Variants in CDK8 observed in about 807,000 individuals in gnomAD.
CDK8 encodes the protein cyclin dependent kinase 8, also known as cyclin-dependent kinase 8.
A neutral mutation model predicts 71.5 loss-of-function variants in CDK8; 29 were observed. That is an observed-to-expected ratio of 0.41 (90% CI 0.30 to 0.55). CDK8 has a LOEUF of 0.55. CDK8 is among the 20% of genes least tolerant of loss of function. CDK8 has a pLI of 0.37. For missense variants in CDK8, 288 were observed against 572.6 expected (o/e 0.50, Z 5.07); for synonymous variants, 161 against 192.1 (o/e 0.84, Z 1.34).
chr13:26,360,045 A>T (rs1253859418), intron 4 of CDK8, among the ~76,000 whole-genome samples: 1 of 152,210 alleles, frequency 6.6e-6, no homozygotes, highest in Non-Finnish European at 1.5e-5. Context: ...TGATTTCAGT[A>T]GAACTTCAAA....
At chr13:26,353,131 C>T (rs1182196676) in intron 3 of CDK8, among the ~76,000 whole-genome samples, 2 of 152,186 alleles carry the variant, frequency 1.3e-5, no homozygotes, top group African/African-American at 4.8e-5. Context: ...AGTAATTTTT[C>T]TATGTATAAA....
At chr13:26,390,646 G>A (rs1399279447) in intron 6 of CDK8, among the ~76,000 whole-genome samples, 1 of 152,164 alleles carries the variant, frequency 6.6e-6, no homozygotes, top group Non-Finnish European at 1.5e-5. Context: ...TCAGGTGTTT[G>A]TCCTCAAATA....
chr13:26,271,195 A>G (rs1348471178), intron 1 of CDK8, among the ~76,000 whole-genome samples: 1 of 152,170 alleles, frequency 6.6e-6, no homozygotes, highest in Non-Finnish European at 1.5e-5. Context: ...TTCTTTGTAT[A>G]TTCTGGATAC....
chr13:26,394,722 T>C (rs1875904222), intron 7 of CDK8, among the ~76,000 whole-genome samples: 1 of 152,026 alleles, frequency 6.6e-6, no homozygotes, highest in African/African-American at 2.4e-5. Context: ...GAGGTTAGGG[T>C]GGTTTATAAG....
intron 1 of CDK8, among the ~76,000 whole-genome samples, chr13:26,297,483 A>C (rs1293444767): frequency 6.6e-6 from 1 of 152,114 alleles, no homozygotes; most frequent in Non-Finnish European, 1.5e-5. Context: ...TACTTCTAGA[A>C]GGTTGCTGAG....
chr13:26,369,070 A>G (rs1874526882), intron 4 of CDK8, among the ~76,000 whole-genome samples: 2 of 152,054 alleles, frequency 1.3e-5, no homozygotes, highest in South Asian at 2.1e-4. Context: ...TGATTTTATT[A>G]GCCTCAGAAG....
chr13:26,347,507 T>TG (rs1003464933), intron 2 of CDK8, among the ~76,000 whole-genome samples: 1 of 152,226 alleles, frequency 6.6e-6, no homozygotes, highest in African/African-American at 2.4e-5. Context: ...ACTTGCAGAA[T>TG]GGGAGAAAGT....
chr13:26,315,023 T>C (rs1325336796), intron 1 of CDK8, among the ~76,000 whole-genome samples: 1 of 152,188 alleles, frequency 6.6e-6, no homozygotes, highest in Non-Finnish European at 1.5e-5. Context: ...ATCCCTGTTT[T>C]TATGAGCTAG....
intron 2 of CDK8, among the ~76,000 whole-genome samples, chr13:26,338,162 A>G (rs981958537): frequency 3.3e-5 from 5 of 152,118 alleles, no homozygotes; most frequent in Non-Finnish European, 7.4e-5. Context: ...GGGTTAATGC[A>G]TTAATAGTTA....
chr13:26,282,044 A>G (rs962808054), intron 1 of CDK8, among the ~76,000 whole-genome samples: 1 of 151,948 alleles, frequency 6.6e-6, no homozygotes, highest in Admixed American at 6.5e-5. Context: ...AAAAAAGAAC[A>G]AAGCCTCCAC....
chr13:26,262,005 C>T (rs779113430), intron 1 of CDK8, among the ~76,000 whole-genome samples: 12 of 152,232 alleles, frequency 7.9e-5, no homozygotes, highest in Non-Finnish European at 1.2e-4. Flanking sequence ...CAGCTGCTCT[C>T]CTCCATCAAC....
At chr13:26,305,425 T>G (rs1565965130) in intron 1 of CDK8, among the ~76,000 whole-genome samples, 1 of 152,198 alleles carries the variant, frequency 6.6e-6, no homozygotes, top group Non-Finnish European at 1.5e-5. Context: ...AAGAAGTACT[T>G]AAGTGTGGTT....
At chr13:26,280,443 C>T (rs1252859002) in intron 1 of CDK8, among the ~76,000 whole-genome samples, 1 of 152,180 alleles carries the variant, frequency 6.6e-6, no homozygotes, top group African/African-American at 2.4e-5. Context: ...GGCTGCATAA[C>T]ACTAAGTAGC....
chr13:26,331,789 T>C (rs1037443795), intron 1 of CDK8, among the ~76,000 whole-genome samples: 7 of 152,222 alleles, frequency 4.6e-5, no homozygotes, highest in Non-Finnish European at 7.3e-5. Context: ...CTTTTGACTA[T>C]TGGGGCTCTT....
At chr13:26,285,154 G>A (rs571552074) in intron 1 of CDK8, among the ~76,000 whole-genome samples, 6 of 152,100 alleles carry the variant, frequency 3.9e-5, no homozygotes, top group Non-Finnish European at 7.4e-5. Context: ...CAGGAGAATC[G>A]CTTGAACCCG....
intron 6 of CDK8, among the ~76,000 whole-genome samples, chr13:26,387,929 C>T (rs1007655916): frequency 2.6e-5 from 4 of 152,340 alleles, no homozygotes; most frequent in African/African-American, 9.6e-5. Context: ...GTGTACCTCA[C>T]CTCACTGTTC....
At position 26,404,097 on chromosome 13, in the gene CDK8, T is replaced by C; in HGVS notation, c.*16T>C. 1.9e-6 allele frequency: 3 copies of C among 1,613,480 alleles called. No individual in the cohort carries two copies. The highest frequency in any genetic ancestry group is 2.7e-5 in the African/African-American group (2 of 75,054). ...TCGGTACTGAGCTGCATCGGAATCT[T>C]GTCCATGCACTGTTGCGAATGCTGC... On this transcript the variant is annotated 3_prime_UTR_variant, in exon 13 of 13. Transcript: ENST00000381527.
chr13:26,358,290 C>G (rs1274693724), intron 4 of CDK8, among the ~76,000 whole-genome samples: 1 of 151,866 alleles, frequency 6.6e-6, no homozygotes, highest in Non-Finnish European at 1.5e-5. Flanking sequence ...CAGAGCAAGA[C>G]TCCGTCTCAA....
At chr13:26,394,656 T>C (rs909228218) in intron 7 of CDK8, among the ~76,000 whole-genome samples, 3 of 152,192 alleles carry the variant, frequency 2.0e-5, no homozygotes, top group East Asian at 3.9e-4. Context: ...GCATAGCTTC[T>C]GTGAGGGAGT....
Sources: allele counts gnomAD v4.1 joint callset (sites outside exome capture counted in the v4.1 genomes callset), GRCh38; gene constraint gnomAD v4.1.1; transcripts MANE v1.5; gene names NCBI Gene and HGNC (gene_info 2026-07-23, HGNC 2026-07-21).